Variants in PLSCR4 observed in about 807,000 individuals in gnomAD.
The protein encoded by PLSCR4 is phospholipid scramblase 4, also known as Ca(2+)-dependent phospholipid scramblase 4.
Under a neutral mutation model 36.3 loss-of-function variants are expected in PLSCR4, and 25 were observed. The observed-to-expected ratio is 0.69, with a 90% CI of 0.50 to 0.96. The LOEUF (loss-of-function observed/expected upper bound fraction) is 0.96, where lower values mean the gene tolerates loss of function less well. Among genes scored for constraint, PLSCR4 ranks in the 40% least tolerant of loss-of-function variants. The probability of loss-of-function intolerance (pLI) is 0.00; values close to 1 mark genes in which losing one functional copy is unlikely to be tolerated. For synonymous variants in PLSCR4, 122 were observed against 132.9 expected, an observed-to-expected ratio of 0.92 and a Z score of 0.56; for missense variants, 408 against 414.7, an observed-to-expected ratio of 0.98 and a Z score of 0.14.
intron 3 of PLSCR4, 77 bp downstream of exon 3, chr3:146,220,738 G>T: frequency 5.8e-6 from 5 of 856,222 alleles, no homozygotes; most frequent in Non-Finnish European, 9.5e-6. Flanking sequence ...CAATTAATTT[G>T]TTCGCTTAAA....
rs143471675 is a variant in PLSCR4 at position 146,195,704 on chromosome 3, C to A, written c.787-422G>T. Reference sequence around the variant, plus strand: ...TTGTGAGTGAAATTCACCTTGTCTTCTTAATATACGGCCAGATACCAACGA... The same window carrying A: ...TTGTGAGTGAAATTCACCTTGTCTTATTAATATACGGCCAGATACCAACGA... On this transcript the variant is annotated intron_variant, in intron 7 of 8. Coordinates refer to ENST00000354952, the MANE Select transcript of PLSCR4 (RefSeq NM_020353.3). Among the ~76,000 whole-genome samples the A allele has an allele frequency of 1.3e-3, 193 of 152,276 alleles. 1 individual carries two copies. The highest frequency in any genetic ancestry group is 9.9e-3 in the Admixed American group (152 of 15,298).
chr3:146,209,931 TG>T (rs1344833295), intron 3 of PLSCR4, among the ~76,000 whole-genome samples: 1 of 152,142 alleles, frequency 6.6e-6, no homozygotes, highest in Non-Finnish European at 1.5e-5. Flanking sequence ...AAATAAGTTA[TG>T]TAAGTCAAGA....
intron 1 of PLSCR4, among the ~76,000 whole-genome samples, chr3:146,228,475 G>GA (rs969397175): frequency 4.1e-4 from 59 of 144,980 alleles, no homozygotes; most frequent in Non-Finnish European, 4.3e-4. Context: ...GGAGTGGGGA[G>GA]AAAAAAAAAA....
At chr3:146,226,925 C>T (rs1323508883) in intron 1 of PLSCR4, among the ~76,000 whole-genome samples, 2 of 152,168 alleles carry the variant, frequency 1.3e-5, no homozygotes, top group African/African-American at 4.8e-5. Flanking sequence ...AGTCTGTTTA[C>T]CTTCCATCTC....
At chr3:146,244,078 T>C (rs554261031) in intron 1 of PLSCR4, among the ~76,000 whole-genome samples, 5 of 152,294 alleles carry the variant, frequency 3.3e-5, no homozygotes, top group African/African-American at 9.6e-5. Flanking sequence ...GTGAGTAATG[T>C]AAGAAAATGA....
intron 1 of PLSCR4, 61 bp from the exon 2 acceptor site, chr3:146,222,153 C>T: frequency 3.6e-6 from 2 of 552,302 alleles, no homozygotes; most frequent in South Asian, 7.1e-5. Flanking sequence ...TATTGCTACT[C>T]AGTAACACAG....
chr3:146,199,683 C>T, intron 6 of PLSCR4, 130 bp downstream of exon 6: 1 of 760,284 alleles, frequency 1.3e-6, no homozygotes. Flanking sequence ...GGTTTCCTCC[C>T]TCCCCACTAT....
intron 4 of PLSCR4, among the ~76,000 whole-genome samples, chr3:146,203,626 T>C (rs986065622): frequency 6.6e-6 from 1 of 151,942 alleles, no homozygotes; most frequent in African/African-American, 2.4e-5. Flanking sequence ...CAAAAGTGCC[T>C]TTTTTCCCCC....
Position 146,240,349 on chromosome 3 carries a change from C to T in PLSCR4, c.-22+10611G>A, listed in dbSNP as rs772668017. 2.9e-4 allele frequency among the ~76,000 whole-genome samples: 44 copies of T among 152,158 alleles called. 1 individual carries two copies. Among genetic ancestry groups the T allele is most frequent in the Admixed American group, 8.5e-4 (13 of 15,272 alleles). ...TTAAGGCCGGTCATAGTGGCTCATG[C>T]CTGTAATCTCAACACTTTGGGAGGC... On this transcript the variant is annotated intron_variant, in intron 1 of 8. Coordinates refer to ENST00000354952, the MANE Select transcript of PLSCR4 (RefSeq NM_020353.3).
chr3:146,248,794 C>T (rs9838866), intron 1 of PLSCR4, among the ~76,000 whole-genome samples: 109,617 of 151,996 alleles, frequency 0.72, 42,032 homozygotes, highest in Non-Finnish European at 0.85. Flanking sequence ...ATTTGTAAAT[C>T]TGAACAGCTT....
In PLSCR4 at chr3:146,194,286, C is replaced by T; in HGVS notation, c.*125G>A. On this transcript the variant is annotated 3_prime_UTR_variant, in exon 9 of 9. Transcript: ENST00000354952. Reference sequence around the variant, plus strand: ...GCCCACTCTCAGCTGTCAAAGTTAACACCCAATAAAAATACTCTACAAAGC... The same window carrying T: ...GCCCACTCTCAGCTGTCAAAGTTAATACCCAATAAAAATACTCTACAAAGC... 1.4e-6 allele frequency: 1 copy of T among 696,476 alleles called. No homozygotes were observed. The highest frequency in any genetic ancestry group is 2.5e-5 in the East Asian group (1 of 39,994). The allele number at this position is 696,476 out of a possible 1,614,324, so 43.1% of individuals were successfully genotyped here.
rs566320341 is a variant in PLSCR4 at position 146,231,586 on chromosome 3, T to C, written c.-21-9494A>G. ...TATGAGATAGTATATCATTGTGGTTTTGATATGCATTTCTCTGATGATTAC... is the reference window on the plus strand; with the variant it reads ...TATGAGATAGTATATCATTGTGGTTCTGATATGCATTTCTCTGATGATTAC... On this transcript the variant is annotated intron_variant, in intron 1 of 8. Coordinates refer to ENST00000354952, the MANE Select transcript of PLSCR4 (RefSeq NM_020353.3). Among the ~76,000 whole-genome samples, 75 of 152,364 alleles carry C rather than the reference T, an allele frequency of 4.9e-4. 1 individual carries two copies. The highest frequency in any genetic ancestry group is 1.6e-3 in the African/African-American group (67 of 41,580).
At chr3:146,238,320 C>T (rs1426807295) in intron 1 of PLSCR4, among the ~76,000 whole-genome samples, 1 of 151,732 alleles carries the variant, frequency 6.6e-6, no homozygotes, top group East Asian at 1.9e-4. Context: ...TCAGTATGAC[C>T]CTTATATCAA....
chr3:146,212,245 A>G (rs2034662678), intron 3 of PLSCR4, among the ~76,000 whole-genome samples: 1 of 151,916 alleles, frequency 6.6e-6, no homozygotes, highest in African/African-American at 2.4e-5. Context: ...TACTCCTTTT[A>G]TTAAAGTTAC....
At position 146,196,762 on chromosome 3, in the gene PLSCR4, A is replaced by G. The variant is rs764877844; in HGVS notation, c.656T>C (p.Ile219Thr). Residue 219 changes from isoleucine (I) to threonine (T), a missense_variant, in exon 7 of 9, where the codon ATT becomes ACT. Coordinates refer to ENST00000354952, the MANE Select transcript of PLSCR4 (RefSeq NM_020353.3). ...GTTCCAATGTTCCGCAACAAAGCCA[A>G]TGGTGACACCAGGAGGACACTGCAC... Reference protein sequence around the residue: ...LEVQCPPGVTIGFVAEHWNLC... With the variant: ...LEVQCPPGVTTGFVAEHWNLC... 4.2e-5 allele frequency: 68 copies of G among 1,613,928 alleles called. No homozygotes were observed. The highest frequency in any genetic ancestry group is 3.3e-4 in the Admixed American group (20 of 59,944).
intron 1 of PLSCR4, among the ~76,000 whole-genome samples, chr3:146,234,374 A>T (rs577004093): frequency 1.4e-3 from 206 of 152,148 alleles, no homozygotes; most frequent in African/African-American, 3.3e-3. Flanking sequence ...TTTTTAAAAA[A>T]TTTTTTTTAT....
intron 3 of PLSCR4, among the ~76,000 whole-genome samples, chr3:146,216,272 T>C (rs1040040905): frequency 2.6e-5 from 4 of 152,050 alleles, no homozygotes; most frequent in African/African-American, 9.7e-5. Context: ...GACAGTCCCA[T>C]AGGCAGCCAG....
intron 1 of PLSCR4, among the ~76,000 whole-genome samples, chr3:146,231,551 T>C (rs546279068): frequency 2.0e-5 from 3 of 152,348 alleles, no homozygotes; most frequent in Non-Finnish European, 4.4e-5. Context: ...ATAATAGCCA[T>C]TCTGACTGCT....
At position 146,200,008 on chromosome 3, in the gene PLSCR4, A is replaced by G. The variant is rs750450957; in HGVS notation, c.429T>C (p.Tyr143=). Reference sequence around the variant, plus strand: ...TCTGGTCTGAGTTGTTTTTAATATCATATCTATTATTAGTTTCAAAACATG... The same window carrying G: ...TCTGGTCTGAGTTGTTTTTAATATCGTATCTATTATTAGTTTCAAAACATG... The part of the protein sequence containing the change: ...MMTCFETNNR[Y]DIKNNSDQMV... The change falls in exon 6 of 9, where the codon TAT becomes TAC. Residue 143 remains tyrosine (Y), a synonymous_variant. Transcript: ENST00000354952. 36 of 1,599,592 alleles carry G rather than the reference A, an allele frequency of 2.3e-5. No individual in the cohort carries two copies. The highest frequency in any genetic ancestry group is 1.3e-4 in the Admixed American group (8 of 59,782).
Sources: gnomAD v4.1 joint callset for allele counts (sites outside exome capture counted in the v4.1 genomes callset) on GRCh38, gnomAD v4.1.1 for gene constraint, MANE v1.5 for transcripts, NCBI Gene and HGNC (gene_info 2026-07-23, HGNC 2026-07-21) for gene names.